ST7: variants seen among roughly 807,000 people sequenced by gnomAD.
ST7 encodes suppression of tumorigenicity 7.
In ST7, 28 loss-of-function variants were observed where a neutral mutation model predicts 78.7. That is an observed-to-expected ratio of 0.36 (90% CI 0.26 to 0.49). ST7 has a LOEUF of 0.49. Among genes scored for constraint, ST7 ranks in the 20% least tolerant of loss-of-function variants. The pLI is 0.99. For missense variants in ST7, 418 were observed against 696.0 expected, an observed-to-expected ratio of 0.60 and a Z score of 4.49; for synonymous variants, 247 against 249.6, an observed-to-expected ratio of 0.99 and a Z score of 0.10.
chr7:117,068,803 T>C (rs1358669452), intron 1 of ST7, among the ~76,000 whole-genome samples: 1 of 152,256 alleles, frequency 6.6e-6, no homozygotes, highest in East Asian at 1.9e-4. Context: ...ACTCATTCTC[T>C]GTGTATTTAA....
intron 12 of ST7, among the ~76,000 whole-genome samples, chr7:117,196,229 G>A (rs1236965989): frequency 6.6e-6 from 1 of 152,198 alleles, no homozygotes; most frequent in Non-Finnish European, 1.5e-5. Context: ...AATGAAAATA[G>A]CAGTGCAAAT....
intron 1 of ST7, among the ~76,000 whole-genome samples, chr7:117,037,493 T>C (rs1426132125): frequency 2.6e-5 from 4 of 152,240 alleles, no homozygotes; most frequent in African/African-American, 7.2e-5. Flanking sequence ...AGAATTGAGA[T>C]ACGGGAGTGC....
intron 9 of ST7, among the ~76,000 whole-genome samples, chr7:117,152,497 T>G (rs1206570662): frequency 1.3e-5 from 2 of 152,048 alleles, no homozygotes; most frequent in Non-Finnish European, 2.9e-5. Context: ...CAGTTTATCT[T>G]GGAGGAAATT....
intron 1 of ST7, chr7:116,972,644 C>A (rs561770928): frequency 3.8e-5 from 45 of 1,181,102 alleles, no homozygotes; most frequent in Middle Eastern, 2.5e-4. Flanking sequence ...AACTTCATAC[C>A]TCTCTCACTC....
At chr7:117,093,828 GCAAGATAGGTAT>G (rs1800825790) in intron 1 of ST7, among the ~76,000 whole-genome samples, 3 of 152,184 alleles carry the variant, frequency 2.0e-5, no homozygotes, top group Non-Finnish European at 4.4e-5. Flanking sequence ...TGACAACTAT[GCAAGATAGGTAT>G]TACTTTTAAA....
chr7:116,959,428 T>A (rs1327430072), intron 1 of ST7: 1 of 331,702 alleles, frequency 3.0e-6, no homozygotes, highest in Non-Finnish European at 5.8e-6. Context: ...TTTTATTACT[T>A]CTTCTAGATT....
intron 1 of ST7, among the ~76,000 whole-genome samples, chr7:116,976,520 G>A (rs1314988638): frequency 1.3e-5 from 2 of 152,184 alleles, no homozygotes; most frequent in Admixed American, 1.3e-4. Flanking sequence ...CATGGAAAGT[G>A]GCAGAAGCAA....
At chr7:117,187,308 T>C (rs565340583) in intron 10 of ST7, among the ~76,000 whole-genome samples, 1 of 152,254 alleles carries the variant, frequency 6.6e-6, no homozygotes, top group Non-Finnish European at 1.5e-5. Flanking sequence ...GGTATTTTCA[T>C]AGAGCTACAT....
At chr7:117,014,836 G>T (rs1795533890) in intron 1 of ST7, 1 of 424,120 alleles carries the variant, frequency 2.4e-6, no homozygotes, top group Non-Finnish European at 4.0e-6. Flanking sequence ...GGAGAGCAGA[G>T]CCCAGCCGTT....
intron 1 of ST7, among the ~76,000 whole-genome samples, chr7:117,050,121 A>G (rs1396865403): frequency 6.6e-6 from 1 of 151,698 alleles, no homozygotes; most frequent in Non-Finnish European, 1.5e-5. Flanking sequence ...AGGCTGAGCC[A>G]GGAGAATCAC....
At chr7:116,972,201 CAT>C in intron 1 of ST7, 1 of 549,788 alleles carries the variant, frequency 1.8e-6, no homozygotes, top group South Asian at 1.4e-5. Context: ...TCTGGACCAG[CAT>C]CTTTTGTGTA....
chr7:117,058,454 G>A (rs1798180267), intron 1 of ST7, among the ~76,000 whole-genome samples: 2 of 152,124 alleles, frequency 1.3e-5, no homozygotes, highest in African/African-American at 4.8e-5. Flanking sequence ...TTGTTATGGA[G>A]ACTTATTTTT....
chr7:117,058,908 T>G (rs1798202765), intron 1 of ST7, among the ~76,000 whole-genome samples: 1 of 152,182 alleles, frequency 6.6e-6, no homozygotes, highest in Non-Finnish European at 1.5e-5. Flanking sequence ...TGGATGGAAC[T>G]GCAGGTCATT....
chr7:116,988,769 ATGT>A (rs778998226), intron 1 of ST7, among the ~76,000 whole-genome samples: 4 of 152,230 alleles, frequency 2.6e-5, no homozygotes, highest in African/African-American at 9.6e-5. Context: ...AGGAATGGAG[ATGT>A]TGTTACTTGA....
intron 1 of ST7, among the ~76,000 whole-genome samples, chr7:117,026,795 T>C (rs1796204732): frequency 6.6e-6 from 1 of 152,112 alleles, no homozygotes; most frequent in Non-Finnish European, 1.5e-5. Flanking sequence ...CAAGGGGTGT[T>C]TGTGGAGAGA....
chr7:116,995,430 A>G (rs1794609812), intron 1 of ST7, among the ~76,000 whole-genome samples: 1 of 152,220 alleles, frequency 6.6e-6, no homozygotes, highest in South Asian at 2.1e-4. Context: ...CCAGTGTGAA[A>G]TACCAAGTGA....
chr7:116,961,653 T>G (rs1374911653), intron 1 of ST7, among the ~76,000 whole-genome samples: 1 of 151,812 alleles, frequency 6.6e-6, no homozygotes, highest in Non-Finnish European at 1.5e-5. Flanking sequence ...CTGACTGTTG[T>G]TGGTGTATAG....
intron 1 of ST7, among the ~76,000 whole-genome samples, chr7:117,093,885 C>T (rs779012294): frequency 3.3e-5 from 5 of 152,162 alleles, no homozygotes; most frequent in Non-Finnish European, 7.3e-5. Context: ...CAAATGTACA[C>T]GAATACTTTT....
At chr7:117,052,273 T>C (rs1648753137) in intron 1 of ST7, among the ~76,000 whole-genome samples, 1 of 152,244 alleles carries the variant, frequency 6.6e-6, no homozygotes, top group Non-Finnish European at 1.5e-5. Flanking sequence ...ACTAGAAAGA[T>C]TATCTTTCCT....
Sources: allele counts gnomAD v4.1 joint callset (sites outside exome capture counted in the v4.1 genomes callset), GRCh38; gene constraint gnomAD v4.1.1; transcripts MANE v1.5; gene names NCBI Gene and HGNC (gene_info 2026-07-23, HGNC 2026-07-21).